CNTNAP3: variants seen among roughly 807,000 people sequenced by gnomAD.
The protein encoded by CNTNAP3 is contactin-associated protein-like 3.
A neutral mutation model predicts 92.1 loss-of-function variants in CNTNAP3; 36 were observed. The observed-to-expected ratio is 0.39, with a 90% CI of 0.30 to 0.52. The LOEUF is 0.52. Among genes scored for constraint, CNTNAP3 ranks in the 20% least tolerant of loss-of-function variants. CNTNAP3 has a pLI of 0.76. For missense variants in CNTNAP3, 534 were observed against 1,069.6 expected (o/e 0.50, Z 6.98); for synonymous variants, 232 against 422.3 (o/e 0.55, Z 5.53).
chr9:39,116,916 T>C (rs1376877501), intron 14 of CNTNAP3, among the ~76,000 whole-genome samples: 1 of 152,142 alleles, frequency 6.6e-6, no homozygotes. Context: ...AAATTACTGC[T>C]TAGATTAGCT....
In CNTNAP3 at chr9:39,068,951, C is replaced by G. The variant is rs1825575381; in HGVS notation, c.*4939G>C. Among the ~76,000 whole-genome samples the G allele has an allele frequency of 6.6e-6, 1 of 152,300 alleles. No homozygotes were observed. Among genetic ancestry groups the G allele is most frequent in the Non-Finnish European group, 1.5e-5 (1 of 68,056 alleles). On this transcript the variant is annotated 3_prime_UTR_variant, in exon 24 of 24. Transcript: ENST00000297668. ...AGGAGGGTTAGAGGGTAAATATGCT[C>G]CCTATTACTCCATCTTAGCCAGAAG... is the stretch of plus-strand genomic sequence containing the variant.
rs1692848 is a variant in CNTNAP3, at chr9:39,079,738, G to A, written c.3443-818C>T. ...CTTCTTATTTCCTGCTTTCCCTTTT[G>A]TGAGTTTGAGAGCTCAACTTCCCTA... On this transcript the variant is annotated intron_variant, in intron 21 of 23. Transcript: ENST00000297668. Among the ~76,000 whole-genome samples, 816 of 93,062 alleles carry A rather than the reference G, an allele frequency of 8.8e-3. 3 individuals carry two copies. The highest frequency in any genetic ancestry group is 0.025 in the African/African-American group (433 of 17,392). 61.1% of individuals were successfully genotyped at this position (93,062 alleles called of 152,430 possible). A position where few individuals can be genotyped will look rare whatever the true frequency, so the allele number is the denominator to read the frequency against.
intron 13 of CNTNAP3, among the ~76,000 whole-genome samples, chr9:39,123,473 C>T (rs1473221655): frequency 6.6e-6 from 1 of 151,682 alleles, no homozygotes; most frequent in Non-Finnish European, 1.5e-5. Context: ...AGAGTGAGAA[C>T]CAGAAGAAAT....
At chr9:39,089,334 C>G (rs2118432741) in intron 18 of CNTNAP3, among the ~76,000 whole-genome samples, 1 of 152,364 alleles carries the variant, frequency 6.6e-6, no homozygotes, top group South Asian at 2.1e-4. Flanking sequence ...TGGCCTCTTT[C>G]ACTTAGCATG....
Position 39,069,063 on chromosome 9 carries a change from A to G in CNTNAP3, c.*4827T>C, listed in dbSNP as rs1180378933. 8.4e-4 allele frequency among the ~76,000 whole-genome samples: 128 copies of G among 152,300 alleles called. No individual in the cohort carries two copies. The highest frequency in any genetic ancestry group is 3.0e-3 in the African/African-American group (125 of 41,504). On this transcript the variant is annotated 3_prime_UTR_variant, in exon 24 of 24. Coordinates refer to ENST00000297668, the MANE Select transcript of CNTNAP3 (RefSeq NM_033655.5). ...ATATAACACACATGAATCATATCCT[A>G]AAGATTTGGAACAAGAAGTAAATTT...
At chr9:39,093,045 C>T (rs1347631787) in intron 18 of CNTNAP3, among the ~76,000 whole-genome samples, 1 of 142,492 alleles carries the variant, frequency 7.0e-6, no homozygotes, top group Non-Finnish European at 1.5e-5. Flanking sequence ...TCTAGGGTTA[C>T]TCTTTGCATG....
chr9:39,131,067 G>T (rs971210309), intron 13 of CNTNAP3, among the ~76,000 whole-genome samples: 2 of 151,332 alleles, frequency 1.3e-5, no homozygotes, highest in African/African-American at 4.9e-5. Context: ...TCCATTTCTT[G>T]TGTTATTTTA....
At chr9:39,077,433 T>C (rs1825807453) in intron 23 of CNTNAP3, among the ~76,000 whole-genome samples, 1 of 151,982 alleles carries the variant, frequency 6.6e-6, no homozygotes, top group Admixed American at 6.6e-5. Context: ...GGCGGGCGCC[T>C]GTAGTTTCAG....
intron 13 of CNTNAP3, among the ~76,000 whole-genome samples, chr9:39,122,076 C>T (rs535828557): frequency 7.9e-5 from 12 of 152,174 alleles, no homozygotes; most frequent in East Asian, 5.8e-4. Flanking sequence ...TGCTTCTGGC[C>T]GGGCGCGGTG....
At chr9:39,083,299 G>A (rs971667073) in intron 21 of CNTNAP3, among the ~76,000 whole-genome samples, 2 of 151,762 alleles carry the variant, frequency 1.3e-5, no homozygotes, top group Non-Finnish European at 2.9e-5. Flanking sequence ...TACTTTTTGG[G>A]AGCAGACAAA....
chr9:39,072,396 T>C lies in CNTNAP3; in HGVS notation c.*1494A>G, dbSNP rs1476938739. 6.7e-6 allele frequency among the ~76,000 whole-genome samples: 1 copy of C among 149,256 alleles called. No individual in the cohort carries two copies. Among genetic ancestry groups the C allele is most frequent in the Non-Finnish European group, 1.5e-5 (1 of 67,636 alleles). On this transcript the variant is annotated 3_prime_UTR_variant, in exon 24 of 24. Coordinates refer to ENST00000297668, the MANE Select transcript of CNTNAP3 (RefSeq NM_033655.5). ...GAAGAGTGTAGCATCATTGCTTTTA[T>C]GTAATTGGTTTATTGAATCCAAATG...
At chr9:39,079,913 A>G (rs1184874831) in intron 21 of CNTNAP3, among the ~76,000 whole-genome samples, 4 of 123,616 alleles carry the variant, frequency 3.2e-5, no homozygotes, top group Admixed American at 7.8e-5. Flanking sequence ...GTTCCCCACA[A>G]CAGTTCTTCC....
chr9:39,068,560 T>G lies in CNTNAP3; in HGVS notation c.*5330A>C, dbSNP rs1234971873. ...ATGCCGCTGTAATTCTTTTGAGTGT[T>G]TCTTTCCCTTGCCTCAGGTAGTTTC... On this transcript the variant is annotated 3_prime_UTR_variant, in exon 24 of 24. Transcript: ENST00000297668. Among the ~76,000 whole-genome samples the G allele has an allele frequency of 6.6e-6, 1 of 152,310 alleles. No individual in the cohort carries two copies. The highest frequency in any genetic ancestry group is 1.5e-5 in the Non-Finnish European group (1 of 68,058).
At position 39,132,919 on chromosome 9, in the gene CNTNAP3, G is replaced by C. The variant is rs781458085; in HGVS notation, c.2080+13C>G. The C allele has an allele frequency of 1.5e-5, 23 of 1,540,694 alleles. No individual in the cohort carries two copies. The Admixed American group carries it at 2.9e-4, about 20-fold the overall frequency. ...CCCCGTGAACCCCTGTAGCCTCCAG[G>C]AGTGGCGCTTACCTCGTGAGTCCGG... On this transcript the variant is annotated intron_variant, in intron 13 of 23. Coordinates refer to ENST00000297668, the MANE Select transcript of CNTNAP3 (RefSeq NM_033655.5).
chr9:39,124,812 C>T (rs766156894), intron 13 of CNTNAP3, among the ~76,000 whole-genome samples: 11 of 152,154 alleles, frequency 7.2e-5, no homozygotes, highest in Non-Finnish European at 1.2e-4. Context: ...AATGAGATAC[C>T]ATTTCACACC....
rs187678192 is a variant in CNTNAP3, at chr9:39,149,449, A to T, written c.1649+357T>A. Among the ~76,000 whole-genome samples, 261 of 151,624 alleles carry T rather than the reference A, an allele frequency of 1.7e-3. 2 individuals are homozygous for T. Among genetic ancestry groups the T allele is most frequent in the African/African-American group, 6.1e-3 (254 of 41,310 alleles). On this transcript the variant is annotated intron_variant, in intron 10 of 23. Coordinates refer to ENST00000297668, the MANE Select transcript of CNTNAP3 (RefSeq NM_033655.5). Reference sequence around the variant, plus strand: ...ACTGCAAGCTCCACCTCCCGGGTTCACGCCATTCTCCTGCCTCAGCCTCCC... The same window carrying T: ...ACTGCAAGCTCCACCTCCCGGGTTCTCGCCATTCTCCTGCCTCAGCCTCCC...
chr9:39,078,993 C>T, intron 21 of CNTNAP3, 73 bp from the exon 22 acceptor site: 1 of 1,471,102 alleles, frequency 6.8e-7, no homozygotes, highest in Non-Finnish European at 9.1e-7. Flanking sequence ...CCCGCATCTG[C>T]AAGACAGCGA....
At chr9:39,140,816 C>A (rs572352651) in intron 11 of CNTNAP3, among the ~76,000 whole-genome samples, 178 bp from the exon 12 acceptor site, 221 of 152,248 alleles carry the variant, frequency 1.5e-3, no homozygotes, top group African/African-American at 5.1e-3. Context: ...AAAATTAAAT[C>A]TATTTTTATT....
chr9:39,107,415 G>A (rs1328965641), intron 15 of CNTNAP3, among the ~76,000 whole-genome samples: 2 of 151,584 alleles, frequency 1.3e-5, no homozygotes, highest in Admixed American at 6.6e-5. Flanking sequence ...GAAGGAAGGA[G>A]CCATCTGAAT....
Sources: gnomAD v4.1 joint callset for allele counts (sites outside exome capture counted in the v4.1 genomes callset) on GRCh38, gnomAD v4.1.1 for gene constraint, MANE v1.5 for transcripts, NCBI Gene and HGNC (gene_info 2026-07-23, HGNC 2026-07-21) for gene names.